The following STX7 variants were observed in gnomAD, a reference collection of about 807,000 sequenced individuals.
The protein encoded by STX7 is syntaxin-7.
Under a neutral mutation model 39.6 loss-of-function variants are expected in STX7, and 34 were observed. That is an observed-to-expected ratio of 0.86 (90% CI 0.65 to 1.14). The LOEUF (loss-of-function observed/expected upper bound fraction) is 1.14. Among genes scored for constraint, STX7 ranks in the 50% most tolerant of loss-of-function variants. The pLI, the probability that STX7 is intolerant of heterozygous loss-of-function variation, is 0.00. For missense variants in STX7, 284 were observed against 310.4 expected (o/e 0.92, Z 0.64); for synonymous variants, 119 against 99.1 (o/e 1.20, Z -1.19).
At position 132,503,538 on chromosome 6, in the gene STX7, G is replaced by A; in HGVS notation, c.-8C>T. The A allele has an allele frequency of 6.2e-7, 1 of 1,611,910 alleles. No individual in the cohort carries two copies. The highest frequency in any genetic ancestry group is 8.5e-7 in the Non-Finnish European group (1 of 1,178,232). The stretch of plus-strand genomic sequence containing the variant: ...TCCTGGAGTGTAAGACATGGTTGAT[G>A]TTCTTATTCGCTAATTTCATCAGAT... On this transcript the variant is annotated 5_prime_UTR_variant, in exon 2 of 10. Transcript: ENST00000367941.
chr6:132,512,550 C>T (rs1227982163), intron 1 of STX7, among the ~76,000 whole-genome samples: 2 of 152,226 alleles, frequency 1.3e-5, no homozygotes, highest in Non-Finnish European at 2.9e-5. Flanking sequence ...TACAGCCATA[C>T]ATTTTTCAGT....
chr6:132,459,210 G>C lies in STX7; in HGVS notation c.*1548C>G, dbSNP rs985592408. 18 of 152,202 alleles carry C rather than the reference G, an allele frequency of 1.2e-4. No homozygotes were observed. Among genetic ancestry groups the C allele is most frequent in the African/African-American group, 4.3e-4 (18 of 41,448 alleles). The allele number at this position is 152,202 out of a possible 1,614,324, so 9.4% of individuals were successfully genotyped here. A position where few individuals can be genotyped will look rare whatever the true frequency, so the allele number is the denominator to read the frequency against. ...TTCTGTTCTAGGGCAGTCTGATTCT[G>C]GCAACAGGAGTCTCTAAGTTCCAAT... On this transcript the variant is annotated 3_prime_UTR_variant, in exon 10 of 10. Transcript: ENST00000367941.
chr6:132,475,697 C>T lies in STX7; in HGVS notation c.86-35G>A, dbSNP rs139444211. 4.6e-3 allele frequency: 6,811 copies of T among 1,475,616 alleles called. 45 individuals are homozygous for T. The highest frequency in any genetic ancestry group is 0.031 in the Middle Eastern group (170 of 5,488). 91.4% of individuals were successfully genotyped at this position (1,475,616 alleles called of 1,614,324 possible). On this transcript the variant is annotated intron_variant, in intron 2 of 9. Transcript: ENST00000367941. ...TAGAAAATTCATGTATTAATTGTCA[C>T]AAAAGTTAAGGTAACAGAAAGAGTT... is the stretch of plus-strand genomic sequence containing the variant.
Position 132,468,388 on chromosome 6 carries a change from G to A in STX7, c.610+15C>T. ...GCTTGCTCTCACCTCCAAAATCTAA[G>A]TCAGCAGGTCTTACCTATTACATCT... On this transcript the variant is annotated intron_variant, in intron 8 of 9. Coordinates refer to ENST00000367941, the MANE Select transcript of STX7 (RefSeq NM_003569.3). The A allele has an allele frequency of 1.2e-6, 2 of 1,602,948 alleles. No homozygotes were observed. The highest frequency in any genetic ancestry group is 1.7e-6 in the Non-Finnish European group (2 of 1,172,520).
Position 132,450,591 on chromosome 6 carries a change from G to GT in STX7, c.*10166dup, listed in dbSNP as rs1485779044. 2 of 152,052 alleles carry GT rather than the reference G, an allele frequency of 1.3e-5. No homozygotes were observed. Among genetic ancestry groups the GT allele is most frequent in the African/African-American group, 4.8e-5 (2 of 41,506 alleles). The allele number at this position is 152,052 out of a possible 1,614,324, so 9.4% of individuals were successfully genotyped here. A position where few individuals can be genotyped will look rare whatever the true frequency, so the allele number is the denominator to read the frequency against. ...CTCCAGGGGTCAACCAACATTTTCG[G>GT]TAAAGGGCCAGAAATTTTAAAATTG... On this transcript the variant is annotated 3_prime_UTR_variant, in exon 10 of 10. Coordinates refer to ENST00000367941, the MANE Select transcript of STX7 (RefSeq NM_003569.3).
In STX7 at chr6:132,470,044, T is replaced by C. The variant is rs750455580; in HGVS notation, c.444A>G (p.Gln148=). ...CCTGCACCTGCACTTGAGGTTGAGT[T>C]TGGCTAACAGAAAAAAATGAATGTG... is the stretch of plus-strand genomic sequence containing the variant. ...KERNLVSWES[Q]TQPQVQVQDE... Residue 148 remains glutamine (Q), a synonymous_variant, in exon 7 of 10, where the codon CAA becomes CAG. Transcript: ENST00000367941. The C allele has an allele frequency of 1.9e-6, 3 of 1,578,108 alleles. No homozygotes were observed. Among genetic ancestry groups the C allele is most frequent in the Non-Finnish European group, 2.6e-6 (3 of 1,169,252 alleles).
chr6:132,506,035 C>G (rs1046557365), intron 1 of STX7, among the ~76,000 whole-genome samples: 2 of 151,500 alleles, frequency 1.3e-5, no homozygotes, highest in Non-Finnish European at 2.9e-5. Context: ...AAAATTGGAT[C>G]GCCCCATGCG....
At chr6:132,506,149 A>C (rs765305982) in intron 1 of STX7, among the ~76,000 whole-genome samples, 5 of 152,152 alleles carry the variant, frequency 3.3e-5, no homozygotes, top group Non-Finnish European at 7.3e-5. Context: ...AAAATACTAA[A>C]AGAAAATATA....
At chr6:132,475,380 C>G (rs995427054) in intron 3 of STX7, 1 of 328,416 alleles carries the variant, frequency 3.0e-6, no homozygotes, top group South Asian at 8.0e-5. Context: ...CCTCAGTCTT[C>G]CAGATCTTTA....
rs1253075534 is a variant in STX7 at position 132,455,348 on chromosome 6, A to G, written c.*5410T>C. The G allele has an allele frequency of 6.6e-6, 1 of 152,214 alleles. No individual in the cohort carries two copies. Among genetic ancestry groups the G allele is most frequent in the East Asian group, 1.9e-4 (1 of 5,200 alleles). 9.4% of individuals were successfully genotyped at this position (152,214 alleles called of 1,614,324 possible). On this transcript the variant is annotated 3_prime_UTR_variant, in exon 10 of 10. Coordinates refer to ENST00000367941, the MANE Select transcript of STX7 (RefSeq NM_003569.3). ...GTCGAGGCTAAATAACTGCATTTAT[A>G]AGCTTTCTACCAATGCTATTAGGTG...
intron 1 of STX7, among the ~76,000 whole-genome samples, chr6:132,503,982 C>CTT (rs1775639880): frequency 1.3e-5 from 2 of 152,176 alleles, no homozygotes; most frequent in Admixed American, 6.5e-5. Context: ...ATATTTAAAA[C>CTT]AACTCTTAGC....
intron 2 of STX7, among the ~76,000 whole-genome samples, chr6:132,503,061 T>G (rs763623329): frequency 6.6e-6 from 1 of 152,222 alleles, no homozygotes; most frequent in Non-Finnish European, 1.5e-5. Flanking sequence ...GATTTTATTT[T>G]TAATAAACTT....
At chr6:132,508,692 A>G (rs896124491) in intron 1 of STX7, among the ~76,000 whole-genome samples, 3 of 151,810 alleles carry the variant, frequency 2.0e-5, no homozygotes, top group African/African-American at 7.3e-5. Context: ...TGATTTTTTT[A>G]TAGAGATGGG....
At chr6:132,461,576 C>T (rs1774400285) in intron 9 of STX7, 1 of 379,974 alleles carries the variant, frequency 2.6e-6, no homozygotes, top group South Asian at 4.0e-5. Context: ...TCCCACAGTG[C>T]TGGGATTACA....
chr6:132,468,616 G>A, intron 7 of STX7, 141 bp from the exon 8 acceptor site: 8 of 504,440 alleles, frequency 1.6e-5, no homozygotes, highest in South Asian at 9.4e-5. Context: ...CATAAACTTT[G>A]GAAATATCAG....
intron 2 of STX7, among the ~76,000 whole-genome samples, chr6:132,488,311 T>G (rs937119415): frequency 6.6e-6 from 1 of 152,246 alleles, no homozygotes; most frequent in Non-Finnish European, 1.5e-5. Context: ...GAATAGAGTC[T>G]ATCTTAATAA....
chr6:132,481,510 T>C (rs1365504641), intron 2 of STX7, among the ~76,000 whole-genome samples: 1 of 152,234 alleles, frequency 6.6e-6, no homozygotes, highest in Non-Finnish European at 1.5e-5. Context: ...TTAGGTTTTA[T>C]AGATACTGAA....
At chr6:132,492,794 G>C (rs1349848768) in intron 2 of STX7, among the ~76,000 whole-genome samples, 1 of 152,178 alleles carries the variant, frequency 6.6e-6, no homozygotes, top group Admixed American at 6.5e-5. Context: ...AAAGTAAACA[G>C]TTAATTAAAA....
intron 2 of STX7, among the ~76,000 whole-genome samples, chr6:132,486,113 T>C (rs1030308442): frequency 6.6e-6 from 1 of 152,220 alleles, no homozygotes; most frequent in Non-Finnish European, 1.5e-5. Flanking sequence ...AAATTGTAGA[T>C]TCCATCAGAT....
Sources: allele counts gnomAD v4.1 joint callset (sites outside exome capture counted in the v4.1 genomes callset), GRCh38; gene constraint gnomAD v4.1.1; transcripts MANE v1.5; gene names NCBI Gene and HGNC (gene_info 2026-07-23, HGNC 2026-07-21).